ZNF777: variants seen among roughly 807,000 people sequenced by gnomAD.
ZNF777 encodes zinc finger protein 777.
Under a neutral mutation model 72.1 loss-of-function variants are expected in ZNF777, and 7 were observed. The observed-to-expected ratio is 0.10, with a 90% CI of 0.06 to 0.18. ZNF777 has a LOEUF of 0.18. ZNF777 is among the 10% of genes least tolerant of loss of function. ZNF777 has a pLI of 1.00. For synonymous variants in ZNF777, 545 were observed against 483.5 expected (o/e 1.13, Z -1.67); for missense variants, 828 against 1,128.6 (o/e 0.73, Z 3.82).
At chr7:149,454,329 G>A in intron 2 of ZNF777, 92 bp from the exon 3 acceptor site, 2 of 1,545,590 alleles carry the variant, frequency 1.3e-6, no homozygotes, top group South Asian at 2.3e-5. Flanking sequence ...CCTGGCTCTG[G>A]GCCTTCACCT....
intron 4 of ZNF777, among the ~76,000 whole-genome samples, chr7:149,448,701 T>G (rs1799661289): frequency 6.6e-6 from 1 of 150,972 alleles, no homozygotes. Flanking sequence ...TGGCAATGTC[T>G]GAGCACACAG....
intron 4 of ZNF777, among the ~76,000 whole-genome samples, chr7:149,445,031 T>C (rs1799580026): frequency 6.6e-6 from 1 of 152,226 alleles, no homozygotes; most frequent in South Asian, 2.1e-4. Context: ...AGTTTTCTTA[T>C]TCTTTCCCTA....
chr7:149,439,848 TAAAG>T lies in ZNF777; in HGVS notation c.1088-3026_1088-3023del, dbSNP rs574310224. 1.3e-4 allele frequency among the ~76,000 whole-genome samples: 20 copies of T among 152,322 alleles called. No individual in the cohort carries two copies. The South Asian group carries it at 3.1e-3, about 24-fold the overall frequency. ...ATAAATAATTATCCAAGATAGAAAA[TAAAG>T]AAACTTTGGGAAATGTATCTCTTAT... On this transcript the variant is annotated intron_variant, in intron 4 of 5. Coordinates refer to ENST00000247930, the MANE Select transcript of ZNF777 (RefSeq NM_015694.3).
chr7:149,455,537 C>T lies in ZNF777; in HGVS notation c.486G>A (p.Lys162=), dbSNP rs1799808870. ...DPLLQSPVSQ[K]DTPFQISSAV... ...CAGAAGAGATCTGGAAAGGGGTGTC[C>T]TTTTGGGAAACCGGGCTCTGGAGCA... The change falls in exon 2 of 6, where the codon AAG becomes AAA. Residue 162 remains lysine (K), a synonymous_variant. Transcript: ENST00000247930. The surrounding 1 kb of genome is among the most constrained non-coding windows in gnomAD (Gnocchi z 4.2). 6.2e-7 allele frequency: 1 copy of T among 1,613,770 alleles called. No individual in the cohort carries two copies. The highest frequency in any genetic ancestry group is 8.5e-7 in the Non-Finnish European group (1 of 1,180,004).
At chr7:149,448,735 G>A (rs1253238245) in intron 4 of ZNF777, among the ~76,000 whole-genome samples, 2 of 151,464 alleles carry the variant, frequency 1.3e-5, no homozygotes, top group African/African-American at 4.9e-5. Flanking sequence ...CTTCTGGTTC[G>A]CTTTACTCTT....
At chr7:149,432,973 T>TTTTTTTAATGATAC in intron 5 of ZNF777, 41 bp from the exon 6 acceptor site, 1 of 1,450,038 alleles carries the variant, frequency 6.9e-7, no homozygotes, top group East Asian at 2.5e-5. Context: ...AGCTGCTGCC[T>TTTTTTTAATGATAC]GGCGCCCCTA....
At chr7:149,442,767 TCA>T (rs1799545998) in intron 4 of ZNF777, among the ~76,000 whole-genome samples, 1 of 152,204 alleles carries the variant, frequency 6.6e-6, no homozygotes, top group African/African-American at 2.4e-5. Context: ...CAAAGATTAT[TCA>T]CAGAGTAGTA....
In ZNF777 at chr7:149,436,962, G is replaced by A; in HGVS notation, c.1088-136C>T. ...AGACCCTGAAGAAATGTAATATTGA[G>A]TTGGAAATGAGTAGACACAGAATTT... On this transcript the variant is annotated intron_variant, in intron 4 of 5. Transcript: ENST00000247930. The surrounding 1 kb of genome is among the most constrained non-coding windows in gnomAD (Gnocchi z 5.0). 7.9e-6 allele frequency: 9 copies of A among 1,132,934 alleles called. No individual in the cohort carries two copies. The highest frequency in any genetic ancestry group is 1.1e-5 in the Non-Finnish European group (9 of 813,570). The allele number at this position is 1,132,934 out of a possible 1,614,324, so 70.2% of individuals were successfully genotyped here. A position where few individuals can be genotyped will look rare whatever the true frequency, so the allele number is the denominator to read the frequency against.
chr7:149,444,638 G>A (rs997465159), intron 4 of ZNF777, among the ~76,000 whole-genome samples: 1 of 152,164 alleles, frequency 6.6e-6, no homozygotes, highest in African/African-American at 2.4e-5. Context: ...ATATTTAATC[G>A]AAATAGTCTG....
intron 4 of ZNF777, among the ~76,000 whole-genome samples, chr7:149,443,531 A>G (rs969113944): frequency 2.0e-5 from 3 of 152,240 alleles, no homozygotes; most frequent in Admixed American, 2.0e-4. Context: ...CTGACTTTCC[A>G]ATCTTCGCAT....
At chr7:149,454,039 AC>A in intron 3 of ZNF777, 71 bp downstream of exon 3, 1 of 1,592,550 alleles carries the variant, frequency 6.3e-7, no homozygotes, top group South Asian at 1.1e-5. Context: ...GGGGTTCAGA[AC>A]TCCCTAAGTT....
Position 149,460,031 on chromosome 7 carries a change from G to A in ZNF777, c.-16+784C>T. ...CGTCGTAGCGTTTCTGCCCCTTACC[G>A]AGATCCCAGGCCGGGCCGCCGAGCC... On this transcript the variant is annotated intron_variant, in intron 1 of 5. Coordinates refer to ENST00000247930, the MANE Select transcript of ZNF777 (RefSeq NM_015694.3). The surrounding 1 kb of genome is among the most constrained non-coding windows in gnomAD (Gnocchi z 6.1). 1.0e-6 allele frequency: 1 copy of A among 979,576 alleles called. No homozygotes were observed. The highest frequency in any genetic ancestry group is 4.7e-5 in the South Asian group (1 of 21,166). The allele number at this position is 979,576 out of a possible 1,614,324, so 60.7% of individuals were successfully genotyped here.
chr7:149,455,507 G>C lies in ZNF777; in HGVS notation c.516C>G (p.Val172=), dbSNP rs758358106. Residue 172 remains valine, a synonymous_variant, in exon 2 of 6, where the codon GTC becomes GTG. Coordinates refer to ENST00000247930, the MANE Select transcript of ZNF777 (RefSeq NM_015694.3). This position sits in a 1 kb window ranked among gnomAD's most constrained non-coding sequence, Gnocchi z 4.2. ...CCGTGGGGAGCGGCTGTTCCTTCTGGACTGCAGAAGAGATCTGGAAAGGGG... is the reference window on the plus strand; with the variant it reads ...CCGTGGGGAGCGGCTGTTCCTTCTGCACTGCAGAAGAGATCTGGAAAGGGG... The part of the protein sequence containing the change: ...KDTPFQISSA[V]QKEQPLPTAE... The C allele has an allele frequency of 1.2e-6, 2 of 1,614,072 alleles. No homozygotes were observed. The highest frequency in any genetic ancestry group is 1.7e-6 in the Non-Finnish European group (2 of 1,179,996).
In ZNF777 at chr7:149,432,863, T is replaced by G; in HGVS notation, c.1409A>C (p.Gln470Pro). The change falls in exon 6 of 6, where the codon CAG becomes CCG. Residue 470 changes from glutamine (Q) to proline (P), a missense_variant. Coordinates refer to ENST00000247930, the MANE Select transcript of ZNF777 (RefSeq NM_015694.3). Reference sequence around the variant, plus strand: ...CAGCTGCCCAAGGGATTGCAAGTGCTGCGGCAGCTCATCCTCCTCCTCCTC... The same window carrying G: ...CAGCTGCCCAAGGGATTGCAAGTGCGGCGGCAGCTCATCCTCCTCCTCCTC... ...EEEEEEDELP[Q>P]HLQSLGQLSG... 7.0e-6 allele frequency: 11 copies of G among 1,569,590 alleles called. No homozygotes were observed. Among genetic ancestry groups the G allele is most frequent in the Non-Finnish European group, 8.6e-6 (10 of 1,157,312 alleles).
rs1375523368 is a variant in ZNF777, at chr7:149,455,988, G to C, written c.35C>G (p.Pro12Arg). Residue 12 changes from proline (P) to arginine (R), a missense_variant, in exon 2 of 6, where the codon CCC (proline) becomes CGC (arginine). By Grantham distance (103) the Pro-to-Arg change is moderately radical. Around this residue, in one of 12 missense-constraint regions of ZNF777, gnomAD observed 222 missense variants for 211.2 expected, o/e 1.05. Coordinates refer to ENST00000247930, the MANE Select transcript of ZNF777 (RefSeq NM_015694.3). This position sits in a 1 kb window ranked among gnomAD's most constrained non-coding sequence, Gnocchi z 4.2. ...TAAGGTTTCTTCTTGTGGAACACTG[G>C]GGAACGACAGAGGTGATGAGCGTTG... ...ENQRSSPLSF[P>R]SVPQEETLRQ... 2.5e-6 allele frequency: 4 copies of C among 1,606,520 alleles called. No individual in the cohort carries two copies. The South Asian group carries it at 4.4e-5, about 18-fold the overall frequency.
intron 2 of ZNF777, 31 bp from the exon 3 acceptor site, chr7:149,454,268 C>A (rs760045552): frequency 1.2e-6 from 2 of 1,612,748 alleles, no homozygotes; most frequent in Admixed American, 3.3e-5. Context: ...GGCTCAGACC[C>A]GCTGGAAGGC....
chr7:149,457,523 C>T (rs538049535), intron 1 of ZNF777, among the ~76,000 whole-genome samples: 3 of 152,308 alleles, frequency 2.0e-5, no homozygotes, highest in African/African-American at 7.2e-5. Flanking sequence ...TAAACAATGA[C>T]GTTCCTTTAG....
At chr7:149,458,711 C>A (rs1442622062) in intron 1 of ZNF777, among the ~76,000 whole-genome samples, 1 of 152,216 alleles carries the variant, frequency 6.6e-6, no homozygotes, top group Non-Finnish European at 1.5e-5. Flanking sequence ...CCCTCCCTCG[C>A]CTCCCAAATA....
intron 4 of ZNF777, among the ~76,000 whole-genome samples, chr7:149,445,656 CCTT>C (rs1266595706): frequency 6.6e-6 from 1 of 152,144 alleles, no homozygotes; most frequent in Non-Finnish European, 1.5e-5. Flanking sequence ...CGTCAAGTCT[CCTT>C]CTTCCCGTTT....
Sources: allele counts gnomAD v4.1 joint callset (sites outside exome capture counted in the v4.1 genomes callset), GRCh38; gene constraint gnomAD v4.1.1; regional missense constraint gnomAD v4.1.1; non-coding constraint Gnocchi (gnomAD v3.1); transcripts MANE v1.5; gene names NCBI Gene and HGNC (gene_info 2026-07-23, HGNC 2026-07-21).